Variants in RIMS2 observed in about 807,000 individuals in gnomAD.
RIMS2 encodes the protein regulating synaptic membrane exocytosis protein 2.
Under a neutral mutation model 174.4 loss-of-function variants are expected in RIMS2, and 59 were observed. That is an observed-to-expected ratio of 0.34 (90% CI 0.27 to 0.42). The LOEUF (loss-of-function observed/expected upper bound fraction) is 0.42, where lower values mean the gene tolerates loss of function less well. RIMS2 is among the 10% of genes least tolerant of loss of function. The pLI, the probability that RIMS2 is intolerant of heterozygous loss-of-function variation, is 1.00. For synonymous variants in RIMS2, 606 were observed against 572.5 expected (o/e 1.06, Z -0.84); for missense variants, 1,620 against 1,666.3 (o/e 0.97, Z 0.48).
chr8:103,656,733 G>T (rs1388532214), intron 1 of RIMS2, among the ~76,000 whole-genome samples: 5 of 152,208 alleles, frequency 3.3e-5, no homozygotes, highest in Admixed American at 3.3e-4. Context: ...GAGTAGTGGA[G>T]AGAGAGGCAA....
intron 1 of RIMS2, among the ~76,000 whole-genome samples, chr8:103,560,428 C>T (rs1389184685): frequency 6.6e-6 from 1 of 152,102 alleles, no homozygotes; most frequent in Non-Finnish European, 1.5e-5. Flanking sequence ...TCTTATCTAT[C>T]TCTACCAACT....
chr8:103,968,883 T>A (rs984455766), intron 15 of RIMS2, among the ~76,000 whole-genome samples: 16 of 152,148 alleles, frequency 1.1e-4, no homozygotes, highest in Non-Finnish European at 1.9e-4. Flanking sequence ...TTAATATTTC[T>A]TGTAATATTG....
intron 10 of RIMS2, among the ~76,000 whole-genome samples, chr8:103,926,107 G>C (rs2078723469): frequency 6.6e-6 from 1 of 151,454 alleles, no homozygotes. Flanking sequence ...TAATTTATTT[G>C]AAAGTATTCC....
intron 19 of RIMS2, among the ~76,000 whole-genome samples, chr8:104,164,187 T>C (rs62508101): frequency 6.6e-6 from 1 of 151,918 alleles, no homozygotes; most frequent in East Asian, 1.9e-4. Flanking sequence ...CCTGGAATTA[T>C]CTTTCCTGTG....
intron 1 of RIMS2, among the ~76,000 whole-genome samples, chr8:103,573,327 G>C: frequency 6.6e-6 from 1 of 152,022 alleles, no homozygotes; most frequent in Non-Finnish European, 1.5e-5. Flanking sequence ...GCCTCCAAAA[G>C]TGTTGGGGTT....
chr8:103,802,962 A>G (rs2098623933), intron 3 of RIMS2, among the ~76,000 whole-genome samples: 1 of 152,206 alleles, frequency 6.6e-6, no homozygotes, highest in Non-Finnish European at 1.5e-5. Context: ...ATTCATAATA[A>G]CATGAATTCA....
chr8:104,148,152 G>A (rs2098658407), intron 19 of RIMS2, among the ~76,000 whole-genome samples: 1 of 148,196 alleles, frequency 6.7e-6, no homozygotes, highest in Admixed American at 6.7e-5. Context: ...TCTTGAAATG[G>A]ATATTATATT....
intron 19 of RIMS2, among the ~76,000 whole-genome samples, chr8:104,073,918 C>A (rs143330210): frequency 1.3e-5 from 2 of 152,160 alleles, no homozygotes; most frequent in Admixed American, 1.3e-4. Flanking sequence ...CTTATAAATA[C>A]AACATAAACT....
At chr8:103,942,963 A>G (rs570682318) in intron 14 of RIMS2, 37 bp downstream of exon 16, 3 of 1,527,566 alleles carry the variant, frequency 2.0e-6, no homozygotes, top group Admixed American at 3.5e-5. Context: ...TTTTTATTGT[A>G]TTTTCCTAAT....
Position 103,989,315 on chromosome 8 carries a change from G to A in RIMS2, c.2938G>A (p.Glu980Lys), listed in dbSNP as rs187532798. 165 of 1,602,758 alleles carry A rather than the reference G, an allele frequency of 1.0e-4. 1 individual carries two copies. The African/African-American group carries it at 1.8e-3, about 17-fold the overall frequency. Residue 980 changes from glutamate to lysine, a missense_variant, in exon 17 of 24, where the codon GAA (glutamate) becomes AAA (lysine). Physicochemically the swap from Glu to Lys is moderately conservative, Grantham distance 56 (BLOSUM62 1). Coordinates refer to ENST00000504942, the Ensembl canonical transcript of RIMS2. ...ATCTTGTTGTTTTAGTCGGAATGTG[G>A]AACAGGGGCTTCGAGGGACCCGCAC...
At chr8:103,522,729 T>A (rs539845187) in intron 1 of RIMS2, among the ~76,000 whole-genome samples, 7 of 152,294 alleles carry the variant, frequency 4.6e-5, no homozygotes, top group Admixed American at 3.9e-4. Flanking sequence ...GAAATTACAA[T>A]AACCTTAATT....
intron 19 of RIMS2, among the ~76,000 whole-genome samples, chr8:104,210,878 T>C (rs1490930510): frequency 6.6e-6 from 1 of 152,232 alleles, no homozygotes; most frequent in African/African-American, 2.4e-5. Flanking sequence ...AGGAACAAAA[T>C]GTATCTCTGA....
At chr8:104,017,918 A>C (rs2095970217) in intron 19 of RIMS2, among the ~76,000 whole-genome samples, 7 of 151,900 alleles carry the variant, frequency 4.6e-5, no homozygotes, top group Admixed American at 4.6e-4. Flanking sequence ...GCTATAAAAA[A>C]TATAAAATTA....
At chr8:103,617,115 A>G (rs1016421048) in intron 1 of RIMS2, among the ~76,000 whole-genome samples, 2 of 152,194 alleles carry the variant, frequency 1.3e-5, no homozygotes, top group Non-Finnish European at 2.9e-5. Context: ...CCAACTTCAA[A>G]CCATACTACA....
intron 14 of RIMS2, among the ~76,000 whole-genome samples, chr8:103,948,006 AT>A (rs1269604574): frequency 6.6e-6 from 1 of 152,202 alleles, no homozygotes; most frequent in African/African-American, 2.4e-5. Context: ...TAATAAGATA[AT>A]AGTGCTGTCA....
intron 3 of RIMS2, among the ~76,000 whole-genome samples, chr8:103,856,347 C>T (rs1438098279): frequency 4.6e-5 from 7 of 152,086 alleles, no homozygotes; most frequent in Non-Finnish European, 8.8e-5. Context: ...TGGAGCTTGT[C>T]TTTTTATCCA....
intron 3 of RIMS2, among the ~76,000 whole-genome samples, chr8:103,782,391 CA>C (rs1372545774): frequency 5.3e-5 from 8 of 151,102 alleles, no homozygotes; most frequent in East Asian, 1.9e-4. Context: ...ATTATTACAA[CA>C]TTTTTTTGCT....
intron 19 of RIMS2, among the ~76,000 whole-genome samples, chr8:104,118,501 A>G (rs2098320954): frequency 6.6e-6 from 1 of 151,518 alleles, no homozygotes; most frequent in South Asian, 2.1e-4. Context: ...TACAAGTCCA[A>G]GTGCTTCAGC....
intron 1 of RIMS2, among the ~76,000 whole-genome samples, chr8:103,526,069 G>C (rs930921940): frequency 7.9e-5 from 12 of 152,206 alleles, no homozygotes; most frequent in Admixed American, 3.3e-4. Context: ...AGGCTGAGAA[G>C]CTAAGAAGAG....
Sources: allele counts gnomAD v4.1 joint callset (sites outside exome capture counted in the v4.1 genomes callset), GRCh38; gene constraint gnomAD v4.1.1; transcripts MANE v1.5; gene names NCBI Gene and HGNC (gene_info 2026-07-23, HGNC 2026-07-21).